Variants in CACNB2 observed in about 807,000 individuals in gnomAD.
The protein encoded by CACNB2 is calcium voltage-gated channel auxiliary subunit beta 2, also known as voltage-dependent L-type calcium channel subunit beta-2.
Under a neutral mutation model 73.3 loss-of-function variants are expected in CACNB2, and 42 were observed. That is an observed-to-expected ratio of 0.57 (90% CI 0.45 to 0.74). The LOEUF is 0.74. CACNB2 is among the 30% of genes least tolerant of loss of function. The probability of loss-of-function intolerance (pLI) is 0.00; values close to 1 mark genes in which losing one functional copy is unlikely to be tolerated. For synonymous variants in CACNB2, 348 were observed against 310.3 expected (o/e 1.12, Z -1.28); for missense variants, 940 against 853.0 (o/e 1.10, Z -1.27).
At chr10:18,359,596 G>A (rs1046049796) in intron 2 of CACNB2, among the ~76,000 whole-genome samples, 2 of 123,126 alleles carry the variant, frequency 1.6e-5, no homozygotes, top group African/African-American at 5.6e-5. Context: ...GTAACATTCT[G>A]TTTTGTTTTT....
At chr10:18,210,118 T>C (rs552842765) in intron 2 of CACNB2, among the ~76,000 whole-genome samples, 15 of 152,188 alleles carry the variant, frequency 9.9e-5, no homozygotes, top group Non-Finnish European at 4.4e-5. Flanking sequence ...TTCCTAGCCA[T>C]GCCACATTTC....
At chr10:18,415,973 A>AT (rs1287378221) in intron 3 of CACNB2, among the ~76,000 whole-genome samples, 1 of 151,920 alleles carries the variant, frequency 6.6e-6, no homozygotes, top group Non-Finnish European at 1.5e-5. Flanking sequence ...TAGCTAAGAC[A>AT]TTTTTTACAG....
At chr10:18,298,828 G>A (rs986575994) in intron 2 of CACNB2, among the ~76,000 whole-genome samples, 4 of 152,070 alleles carry the variant, frequency 2.6e-5, no homozygotes, top group African/African-American at 4.8e-5. Context: ...TAAGAATGGC[G>A]GGTTTCTTCC....
chr10:18,191,473 A>C (rs1429092885), intron 2 of CACNB2, among the ~76,000 whole-genome samples: 1 of 152,090 alleles, frequency 6.6e-6, no homozygotes, highest in Non-Finnish European at 1.5e-5. Context: ...TTATTGGGGT[A>C]CAGGTGGTAT....
At chr10:18,331,508 CT>C (rs151152185) in intron 2 of CACNB2, among the ~76,000 whole-genome samples, 10 of 150,414 alleles carry the variant, frequency 6.6e-5, no homozygotes, top group South Asian at 2.1e-4. Context: ...TTTCTTCTGA[CT>C]TTTTTTTAAC....
intron 9 of CACNB2, among the ~76,000 whole-genome samples, chr10:18,525,906 T>C (rs1275377125): frequency 1.3e-5 from 2 of 152,216 alleles, no homozygotes; most frequent in African/African-American, 2.4e-5. Flanking sequence ...TTATTCTAAG[T>C]CTTTAAATAG....
At chr10:18,319,484 A>G (rs2131944755) in intron 2 of CACNB2, among the ~76,000 whole-genome samples, 1 of 152,064 alleles carries the variant, frequency 6.6e-6, no homozygotes, top group African/African-American at 2.4e-5. Flanking sequence ...CATTAGGACA[A>G]ATGCCTAATG....
chr10:18,185,087 C>A (rs757469348), intron 2 of CACNB2, among the ~76,000 whole-genome samples: 1 of 152,158 alleles, frequency 6.6e-6, no homozygotes, highest in Non-Finnish European at 1.5e-5. Flanking sequence ...AATCCTCCCA[C>A]CTTGGCCCAT....
chr10:18,463,540 G>A lies in CACNB2; in HGVS notation c.334-34815G>A, dbSNP rs545542756. ...AGTGATTGTCCTACATCAGCCTCCG[G>A]AGTAGCTGGGATTGCAGGTGCACGC... On this transcript the variant is annotated intron_variant, in intron 3 of 13. Coordinates refer to ENST00000324631, the MANE Select transcript of CACNB2 (RefSeq NM_201596.3). Among the ~76,000 whole-genome samples, 12 of 151,962 alleles carry A rather than the reference G, an allele frequency of 7.9e-5. No homozygotes were observed. The South Asian group carries it at 2.1e-3, about 26-fold the overall frequency.
intron 2 of CACNB2, among the ~76,000 whole-genome samples, chr10:18,207,264 C>T (rs1286213269): frequency 1.3e-5 from 2 of 152,188 alleles, no homozygotes; most frequent in Middle Eastern, 6.3e-3. Flanking sequence ...CTACCTCTGC[C>T]TCCCAAAATG....
chr10:18,192,268 G>GTTCATTCA (rs75149644), intron 2 of CACNB2, among the ~76,000 whole-genome samples: 84 of 151,370 alleles, frequency 5.5e-4, no homozygotes, highest in South Asian at 3.8e-3. Context: ...TCAGACTTAC[G>GTTCATTCA]TTCATTCATT....
chr10:18,215,075 A>G (rs1197958992), intron 2 of CACNB2, among the ~76,000 whole-genome samples: 1 of 143,936 alleles, frequency 6.9e-6, no homozygotes, highest in African/African-American at 2.6e-5. Flanking sequence ...GCAAAAATCA[A>G]GACACTTAGA....
At chr10:18,214,045 C>T (rs16916993) in intron 2 of CACNB2, among the ~76,000 whole-genome samples, 1,803 of 152,230 alleles carry the variant, frequency 0.012, 27 homozygotes, top group African/African-American at 0.038. Context: ...TCCCAGTTTA[C>T]TTCACGTATC....
At chr10:18,489,332 G>T (rs543691429) in intron 3 of CACNB2, among the ~76,000 whole-genome samples, 6 of 135,874 alleles carry the variant, frequency 4.4e-5, no homozygotes, top group Admixed American at 8.2e-5. Context: ...GGTGGTTGCA[G>T]TGAGTTGAGA....
chr10:18,437,841 T>C (rs2132897927), intron 3 of CACNB2, among the ~76,000 whole-genome samples: 1 of 152,238 alleles, frequency 6.6e-6, no homozygotes, highest in African/African-American at 2.4e-5. Context: ...AGAAAATTAT[T>C]TATGGCTAGA....
chr10:18,425,637 C>T (rs1456523849), intron 3 of CACNB2, among the ~76,000 whole-genome samples: 2 of 152,096 alleles, frequency 1.3e-5, no homozygotes, highest in Admixed American at 6.6e-5. Context: ...CACTGCACTC[C>T]AGCCTAGACA....
intron 2 of CACNB2, among the ~76,000 whole-genome samples, chr10:18,253,219 C>A (rs771407740): frequency 6.6e-5 from 10 of 152,156 alleles, no homozygotes; most frequent in African/African-American, 2.4e-4. Flanking sequence ...CTTTGTACCT[C>A]TTCGCTTGAG....
At chr10:18,484,997 A>C (rs1053941549) in intron 3 of CACNB2, among the ~76,000 whole-genome samples, 9 of 152,098 alleles carry the variant, frequency 5.9e-5, no homozygotes, top group African/African-American at 1.7e-4. Context: ...TCTACAAAAA[A>C]TACAAAAAGT....
intron 3 of CACNB2, among the ~76,000 whole-genome samples, chr10:18,458,364 A>T (rs1233097824): frequency 6.6e-6 from 1 of 152,222 alleles, no homozygotes; most frequent in Non-Finnish European, 1.5e-5. Flanking sequence ...ATTAATTTGC[A>T]TGTGGTGAAT....
Sources: allele counts gnomAD v4.1 joint callset (sites outside exome capture counted in the v4.1 genomes callset), GRCh38; gene constraint gnomAD v4.1.1; transcripts MANE v1.5; gene names NCBI Gene and HGNC (gene_info 2026-07-23, HGNC 2026-07-21).